PLCL1: variants seen among roughly 807,000 people sequenced by gnomAD.
PLCL1 encodes the protein phospholipase C like 1 (inactive), also known as inactive phospholipase C-like protein 1.
Under a neutral mutation model 84.4 loss-of-function variants are expected in PLCL1, and 41 were observed. That is an observed-to-expected ratio of 0.49 (90% confidence interval 0.38 to 0.63). The LOEUF (loss-of-function observed/expected upper bound fraction) is 0.63, where lower values mean the gene tolerates loss of function less well. Ranked by LOEUF, PLCL1 falls within the 30% of genes least tolerant of loss-of-function variation. The pLI is 0.00. For missense variants in PLCL1, 1,206 were observed against 1,367.8 expected (o/e 0.88, Z 1.87); for synonymous variants, 490 against 488.3 (o/e 1.00, Z -0.05).
chr2:197,900,924 G>T (rs181361804), intron 1 of PLCL1, among the ~76,000 whole-genome samples: 1 of 151,706 alleles, frequency 6.6e-6, no homozygotes, highest in Admixed American at 6.5e-5. Context: ...TTCAAAGATT[G>T]TAAGTGTTTT....
At chr2:198,055,086 A>G (rs942291248) in intron 1 of PLCL1, among the ~76,000 whole-genome samples, 2 of 151,870 alleles carry the variant, frequency 1.3e-5, no homozygotes, top group African/African-American at 4.8e-5. Context: ...CAAACAGGAA[A>G]CCCTTCCTAA....
chr2:198,089,988 G>A (rs1018885873), intron 3 of PLCL1, among the ~76,000 whole-genome samples: 2 of 152,048 alleles, frequency 1.3e-5, no homozygotes, highest in African/African-American at 4.8e-5. Flanking sequence ...ACTTCTAGTG[G>A]AAAAATAAAT....
chr2:198,122,057 T>C (rs372658168), intron 5 of PLCL1, among the ~76,000 whole-genome samples: 38 of 152,116 alleles, frequency 2.5e-4, no homozygotes, highest in African/African-American at 8.9e-4. Context: ...GTATACATTA[T>C]ATACAATTTT....
Position 198,101,289 on chromosome 2 carries a change from T to C in PLCL1, c.2924T>C (p.Ile975Thr), listed in dbSNP as rs774116185. The C allele has an allele frequency of 6.3e-7, 1 of 1,589,690 alleles. No individual in the cohort carries two copies. Among genetic ancestry groups the C allele is most frequent in the Admixed American group, 1.7e-5 (1 of 59,466 alleles). Residue 975 changes from isoleucine (I) to threonine (T), a missense_variant, in exon 4 of 6, where the codon ATT becomes ACT. Ile to Thr is a moderately conservative substitution (Grantham distance 89, BLOSUM62 -1). Transcript: ENST00000428675. ...KKMLTAYDLM[I>T]QESRFLIEMA... is the part of the protein sequence containing the mutation. ...TTGATGTTTATTTTGTAACAGATGA[T>C]TCAAGAGAGCCGGTTTCTCATAGAA... is the stretch of plus-strand genomic sequence containing the variant.
At chr2:198,004,035 A>G (rs1690668628) in intron 1 of PLCL1, among the ~76,000 whole-genome samples, 1 of 152,218 alleles carries the variant, frequency 6.6e-6, no homozygotes, top group Admixed American at 6.5e-5. Context: ...TTCAACTTAT[A>G]GGGTAATTAA....
At chr2:197,973,758 G>A (rs760020742) in intron 1 of PLCL1, among the ~76,000 whole-genome samples, 1 of 152,210 alleles carries the variant, frequency 6.6e-6, no homozygotes, top group Non-Finnish European at 1.5e-5. Context: ...AGGTGGGCAG[G>A]CGTGAGGTCA....
chr2:197,866,296 C>T (rs1485285363), intron 1 of PLCL1, among the ~76,000 whole-genome samples: 4 of 150,008 alleles, frequency 2.7e-5, no homozygotes, highest in Non-Finnish European at 5.9e-5. Flanking sequence ...ATATCTTGAA[C>T]ATTTGCGTTG....
At chr2:197,819,884 A>ATGTGTGTG (rs57885218) in intron 1 of PLCL1, among the ~76,000 whole-genome samples, 49 of 140,660 alleles carry the variant, frequency 3.5e-4, no homozygotes, top group African/African-American at 1.1e-3. Context: ...ACTATTATGC[A>ATGTGTGTG]TGTGTGTGTG....
At chr2:197,818,174 C>G (rs1173756578) in intron 1 of PLCL1, among the ~76,000 whole-genome samples, 2 of 152,086 alleles carry the variant, frequency 1.3e-5, no homozygotes, top group Non-Finnish European at 2.9e-5. Context: ...GAGAAATGAC[C>G]TGACAAACAA....
chr2:198,118,032 C>G (rs962878821), intron 5 of PLCL1, among the ~76,000 whole-genome samples: 32 of 151,734 alleles, frequency 2.1e-4, no homozygotes, highest in African/African-American at 6.8e-4. Context: ...CTTATTAAAC[C>G]CTGCTTATTG....
intron 1 of PLCL1, among the ~76,000 whole-genome samples, chr2:197,953,532 G>A (rs1385907956): frequency 6.6e-6 from 1 of 152,040 alleles, no homozygotes; most frequent in Non-Finnish European, 1.5e-5. Flanking sequence ...ATTCCTCAGG[G>A]TAATTGGGAA....
In PLCL1 at chr2:197,821,268, C is replaced by CT. The variant is rs532233652; in HGVS notation, c.240+15935dup. On this transcript the variant is annotated intron_variant, in intron 1 of 5. Coordinates refer to ENST00000428675, the MANE Select transcript of PLCL1 (RefSeq NM_006226.4). Reference sequence around the variant, plus strand: ...GAACTTAAAATTTCACTATAAAAATCTTTTTTAAAGGAGGAATTTAGCTGA... The same window carrying CT: ...GAACTTAAAATTTCACTATAAAAATCTTTTTTTAAAGGAGGAATTTAGCTGA... Among the ~76,000 whole-genome samples the CT allele has an allele frequency of 4.6e-3, 700 of 152,152 alleles. 3 individuals are homozygous for CT. Among genetic ancestry groups the CT allele is most frequent in the Non-Finnish European group, 7.5e-3 (508 of 67,966 alleles).
At chr2:198,059,881 C>T (rs1692151962) in intron 1 of PLCL1, among the ~76,000 whole-genome samples, 1 of 152,140 alleles carries the variant, frequency 6.6e-6, no homozygotes, top group African/African-American at 2.4e-5. Flanking sequence ...AGGGGCTTTG[C>T]GCTGTCTTGG....
In PLCL1 at chr2:198,085,863, T is replaced by C; in HGVS notation, c.2346T>C (p.Phe782=). The C allele has an allele frequency of 6.2e-7, 1 of 1,614,190 alleles. No individual in the cohort carries two copies. Among genetic ancestry groups the C allele is most frequent in the Non-Finnish European group, 8.5e-7 (1 of 1,179,998 alleles). The change falls in exon 2 of 6, where the codon TTT becomes TTC. Residue 782 remains phenylalanine (F), a synonymous_variant. Transcript: ENST00000428675. This position sits in a 1 kb window ranked among gnomAD's most constrained non-coding sequence, Gnocchi z 5.3. The stretch of plus-strand genomic sequence containing the variant: ...ATAATCCTATTTTTGATGAAACTTT[T>C]GAGTTCCAAGTAAACCTACCTGAGC... ...NSDNPIFDET[F]EFQVNLPELA...
At chr2:197,847,848 G>C (rs913183371) in intron 1 of PLCL1, among the ~76,000 whole-genome samples, 2 of 152,198 alleles carry the variant, frequency 1.3e-5, no homozygotes, top group African/African-American at 4.8e-5. Context: ...AGAGTTGGCA[G>C]TATCTGTCTT....
chr2:197,874,036 C>T (rs548849241), intron 1 of PLCL1, among the ~76,000 whole-genome samples: 6 of 152,280 alleles, frequency 3.9e-5, no homozygotes, highest in Non-Finnish European at 7.4e-5. Flanking sequence ...GGTTCTTTAA[C>T]AAAAATGTAA....
At chr2:197,859,358 T>A (rs1687388410) in intron 1 of PLCL1, among the ~76,000 whole-genome samples, 1 of 152,192 alleles carries the variant, frequency 6.6e-6, no homozygotes, top group Non-Finnish European at 1.5e-5. Flanking sequence ...GTTTTATAAA[T>A]TCTTAATCTG....
intron 1 of PLCL1, among the ~76,000 whole-genome samples, chr2:197,844,207 T>C (rs1377888933): frequency 1.3e-5 from 2 of 152,140 alleles, no homozygotes; most frequent in African/African-American, 4.8e-5. Context: ...AACCCATCTG[T>C]GTAACCAGCA....
intron 1 of PLCL1, among the ~76,000 whole-genome samples, chr2:197,996,948 T>C (rs1690481435): frequency 6.6e-6 from 1 of 152,100 alleles, no homozygotes; most frequent in South Asian, 2.1e-4. Context: ...ACACCACATT[T>C]TGAATGAGTT....
Sources: gnomAD v4.1 joint callset for allele counts (sites outside exome capture counted in the v4.1 genomes callset) on GRCh38, gnomAD v4.1.1 for gene constraint, Gnocchi (gnomAD v3.1) non-coding constraint, MANE v1.5 for transcripts, NCBI Gene and HGNC (gene_info 2026-07-23, HGNC 2026-07-21) for gene names.